NSD1: variants seen among roughly 807,000 people sequenced by gnomAD.
NSD1 encodes nuclear receptor binding SET domain protein 1.
Under a neutral mutation model 242.7 loss-of-function variants are expected in NSD1, and 26 were observed. The observed-to-expected ratio is 0.11, with a 90% CI of 0.08 to 0.15. The LOEUF (loss-of-function observed/expected upper bound fraction) is 0.15, where lower values mean the gene tolerates loss of function less well. Ranked by LOEUF, NSD1 falls within the 10% of genes least tolerant of loss-of-function variation. The pLI, the probability that NSD1 is intolerant of heterozygous loss-of-function variation, is 1.00. For synonymous variants in NSD1, 1,106 were observed against 1,178.1 expected (o/e 0.94, Z 1.25); for missense variants, 2,495 against 3,272.8 (o/e 0.76, Z 5.80).
intron 4 of NSD1, 68 bp downstream of exon 4, chr5:177,204,360 T>C: frequency 7.0e-7 from 1 of 1,434,748 alleles, no homozygotes; most frequent in Non-Finnish European, 9.7e-7. Flanking sequence ...AAATGGCCTC[T>C]TATTTATTTT....
At chr5:177,251,027 T>A (rs1345412869) in intron 11 of NSD1, among the ~76,000 whole-genome samples, 5 of 152,008 alleles carry the variant, frequency 3.3e-5, no homozygotes, top group Non-Finnish European at 7.4e-5. Context: ...CCATCTCTAC[T>A]AGAAATACAA....
chr5:177,162,158 C>T (rs890227001), intron 2 of NSD1, among the ~76,000 whole-genome samples: 2 of 151,842 alleles, frequency 1.3e-5, no homozygotes, highest in Non-Finnish European at 2.9e-5. Context: ...ATTAGTTGGG[C>T]GTGGTGGCTC....
intron 5 of NSD1, among the ~76,000 whole-genome samples, chr5:177,220,310 A>T (rs1764129468): frequency 6.6e-6 from 1 of 152,126 alleles, no homozygotes; most frequent in Admixed American, 6.6e-5. Context: ...CTCTTGTGAC[A>T]GTGTTTTACC....
intron 2 of NSD1, among the ~76,000 whole-genome samples, chr5:177,149,454 A>G (rs921792121): frequency 6.6e-6 from 1 of 152,086 alleles, no homozygotes; most frequent in Non-Finnish European, 1.5e-5. Context: ...TCCTGACCTC[A>G]GGTGAGCTGC....
intron 9 of NSD1, 94 bp downstream of exon 9, chr5:177,244,364 A>T: frequency 2.3e-6 from 2 of 875,830 alleles, no homozygotes; most frequent in South Asian, 2.8e-5. Flanking sequence ...TGTAAGCCCG[A>T]CCAGTGAGGT....
intron 18 of NSD1, among the ~76,000 whole-genome samples, chr5:177,281,186 A>G (rs548224220): frequency 6.6e-6 from 1 of 152,334 alleles, no homozygotes; most frequent in East Asian, 1.9e-4. Flanking sequence ...CTAATAAAAC[A>G]TTTTTAGTGA....
chr5:177,247,572 A>C (rs1196147687), intron 10 of NSD1, among the ~76,000 whole-genome samples: 1 of 152,100 alleles, frequency 6.6e-6, no homozygotes, highest in Non-Finnish European at 1.5e-5. Flanking sequence ...ACTTAAAAAA[A>C]AAAAAAAAAA....
At chr5:177,212,473 CTTTCTCTCTCTCTCTT>C (rs771890002) in intron 5 of NSD1, among the ~76,000 whole-genome samples, 1 of 143,290 alleles carries the variant, frequency 7.0e-6, no homozygotes, top group African/African-American at 2.8e-5. Flanking sequence ...CTCTCTCTCT[CTTTCTCTCTCTCTCTT>C]TTTTTTTTTT....
chr5:177,257,973 CTTTT>C (rs35034666), intron 13 of NSD1, among the ~76,000 whole-genome samples: 4 of 52,550 alleles, frequency 7.6e-5, no homozygotes, highest in African/African-American at 1.6e-4. Flanking sequence ...CCCCCTGGGC[CTTTT>C]TTTTTTTTTT....
At chr5:177,206,723 G>A (rs946804169) in intron 4 of NSD1, among the ~76,000 whole-genome samples, 11 of 151,950 alleles carry the variant, frequency 7.2e-5, no homozygotes, top group African/African-American at 2.7e-4. Flanking sequence ...GGGATGTGTC[G>A]GTTATTTTGT....
In NSD1 at chr5:177,210,980, T is replaced by G. The variant is rs1393651252; in HGVS notation, c.2581T>G (p.Leu861Val). Reference sequence around the variant, plus strand: ...AGAAACAGCAGTGGTGAAACATGTTTTATCCGAGTTGAAGGAACTCTCTTA... The same window carrying G: ...AGAAACAGCAGTGGTGAAACATGTTGTATCCGAGTTGAAGGAACTCTCTTA... Reference protein sequence around the residue: ...DIETAVVKHVLSELKELSYRS... With the variant: ...DIETAVVKHVVSELKELSYRS... Residue 861 changes from leucine (L) to valine (V), a missense_variant, in exon 5 of 23, where the codon TTA becomes GTA. Leu to Val is a conservative substitution (Grantham distance 32). Transcript: ENST00000439151. 1 of 1,614,038 alleles carries G rather than the reference T, an allele frequency of 6.2e-7. No homozygotes were observed. Among genetic ancestry groups the G allele is most frequent in the African/African-American group, 1.3e-5 (1 of 74,916 alleles).
In NSD1 at chr5:177,210,338, A is replaced by G. The variant is rs760735588; in HGVS notation, c.1939A>G (p.Ser647Gly). ...SICTTSDDGS[S>G]DLDPIEHSSE... ...CTGTACCACTTCTGATGATGGAAGC[A>G]GTGACCTGGATCCCATAGAACACAG... is the stretch of plus-strand genomic sequence containing the variant. The change falls in exon 5 of 23, where the codon AGT becomes GGT. Residue 647 changes from serine (S) to glycine (G), a missense_variant. Around this residue, in one of 19 missense-constraint regions of NSD1, gnomAD observed 515 missense variants for 467.0 expected, o/e 1.10. Transcript: ENST00000439151. The G allele has an allele frequency of 1.2e-6, 2 of 1,614,144 alleles. No homozygotes were observed. The highest frequency in any genetic ancestry group is 1.7e-6 in the Non-Finnish European group (2 of 1,180,030).
intron 5 of NSD1, among the ~76,000 whole-genome samples, chr5:177,232,194 GTATAGT>G (rs1191812440): frequency 3.3e-5 from 5 of 152,144 alleles, no homozygotes; most frequent in African/African-American, 1.2e-4. Context: ...CTGTTTAGAT[GTATAGT>G]TCTCTGTTTT....
At chr5:177,212,325 T>C in intron 5 of NSD1, 130 bp downstream of exon 5, 1 of 888,016 alleles carries the variant, frequency 1.1e-6, no homozygotes, top group Non-Finnish European at 1.8e-6. Flanking sequence ...ATCACTTCAA[T>C]GAAGAAGGAG....
chr5:177,253,140 A>AT (rs1756142891), intron 12 of NSD1, among the ~76,000 whole-genome samples: 1 of 152,088 alleles, frequency 6.6e-6, no homozygotes, highest in Admixed American at 6.6e-5. Flanking sequence ...AAATGCTTCA[A>AT]TTTTTGCCAG....
At chr5:177,251,296 A>G (rs1275201376) in intron 11 of NSD1, among the ~76,000 whole-genome samples, 2 of 152,122 alleles carry the variant, frequency 1.3e-5, no homozygotes, top group African/African-American at 4.8e-5. Flanking sequence ...AGCTGAGATT[A>G]TTTCAGAAAA....
intron 2 of NSD1, among the ~76,000 whole-genome samples, chr5:177,180,307 T>C (rs925002298): frequency 6.6e-6 from 1 of 152,140 alleles, no homozygotes; most frequent in African/African-American, 2.4e-5. Flanking sequence ...ATGTTCATCA[T>C]GTTTGCCAGG....
At chr5:177,239,436 C>T (rs1301911742) in intron 7 of NSD1, among the ~76,000 whole-genome samples, 2 of 152,166 alleles carry the variant, frequency 1.3e-5, no homozygotes, top group Non-Finnish European at 2.9e-5. Flanking sequence ...TTTCACTCCA[C>T]TTCTCCTTAT....
chr5:177,139,308 A>G (rs930246611), intron 2 of NSD1, among the ~76,000 whole-genome samples: 1 of 150,346 alleles, frequency 6.7e-6, no homozygotes, highest in Admixed American at 6.6e-5. Context: ...TACTAAAAAT[A>G]CAAAAATTAG....
Sources: gnomAD v4.1 joint callset for allele counts (sites outside exome capture counted in the v4.1 genomes callset) on GRCh38, gnomAD v4.1.1 for gene constraint, gnomAD v4.1.1 regional missense constraint, MANE v1.5 for transcripts, NCBI Gene and HGNC (gene_info 2026-07-23, HGNC 2026-07-21) for gene names.